The following SPAG16 variants were observed in gnomAD, a reference collection of about 807,000 sequenced individuals.
SPAG16 encodes the protein sperm-associated antigen 16 protein.
A neutral mutation model predicts 80.4 loss-of-function variants in SPAG16; 86 were observed. The observed-to-expected ratio is 1.07, with a 90% CI of 0.90 to 1.28. The LOEUF is 1.28. Among genes scored for constraint, SPAG16 ranks in the 50% most tolerant of loss-of-function variants. The pLI, the probability that SPAG16 is intolerant of heterozygous loss-of-function variation, is 0.00. For missense variants in SPAG16, 870 were observed against 765.3 expected (o/e 1.14, Z -1.61); for synonymous variants, 294 against 265.9 (o/e 1.11, Z -1.03).
intron 10 of SPAG16, among the ~76,000 whole-genome samples, chr2:213,555,773 G>A (rs573321856): frequency 5.3e-5 from 8 of 152,136 alleles, no homozygotes; most frequent in African/African-American, 1.9e-4. Flanking sequence ...AAACCCACTG[G>A]TAAAAGTAAG....
rs377727815 is a variant in SPAG16 at position 213,962,256 on chromosome 2, T to A, written c.1400+32111T>A. On this transcript the variant is annotated intron_variant, in intron 12 of 15. Transcript: ENST00000331683. ...TTGCCCAGGCTGGAGTGCAGTGGCG[T>A]GATCTCGGCTCACTGCAAGCTCGCC... 4.0e-5 allele frequency among the ~76,000 whole-genome samples: 6 copies of A among 151,226 alleles called. No homozygotes were observed. The South Asian group carries it at 1.0e-3, about 26-fold the overall frequency.
intron 10 of SPAG16, among the ~76,000 whole-genome samples, chr2:213,664,788 T>C (rs2063543165): frequency 1.3e-5 from 2 of 151,924 alleles, no homozygotes; most frequent in African/African-American, 4.8e-5. Flanking sequence ...CTCTTTCCTC[T>C]TTCTGAAACT....
intron 10 of SPAG16, among the ~76,000 whole-genome samples, chr2:213,755,948 A>G (rs190973207): frequency 1.2e-4 from 19 of 152,312 alleles, no homozygotes; most frequent in Admixed American, 1.0e-3. Context: ...CCATCTAAAT[A>G]TATCAATATC....
intron 15 of SPAG16, chr2:214,240,257 T>A (rs946123038): frequency 2.0e-5 from 3 of 152,242 alleles, no homozygotes; most frequent in African/African-American, 7.2e-5. Flanking sequence ...GAAGACTGAA[T>A]GTTTCTACAT....
intron 10 of SPAG16, among the ~76,000 whole-genome samples, chr2:213,616,584 T>C (rs2061605796): frequency 6.6e-6 from 1 of 152,228 alleles, no homozygotes; most frequent in Non-Finnish European, 1.5e-5. Flanking sequence ...TCTCAAAATA[T>C]GATCTGCTTT....
chr2:214,353,140 A>C (rs1698534950), intron 15 of SPAG16, among the ~76,000 whole-genome samples: 1 of 152,088 alleles, frequency 6.6e-6, no homozygotes, highest in Non-Finnish European at 1.5e-5. Context: ...TGGTCTAACT[A>C]TCAAATGTTT....
chr2:214,360,998 G>A (rs1367755388), intron 15 of SPAG16, among the ~76,000 whole-genome samples: 1 of 151,834 alleles, frequency 6.6e-6, no homozygotes, highest in African/African-American at 2.4e-5. Flanking sequence ...TCTGAGTGTA[G>A]TGTCAACTCT....
At chr2:213,886,925 G>A (rs1250850893) in intron 11 of SPAG16, among the ~76,000 whole-genome samples, 3 of 152,094 alleles carry the variant, frequency 2.0e-5, no homozygotes, top group Non-Finnish European at 4.4e-5. Flanking sequence ...TCAAAATCTG[G>A]TAAGGAGTAG....
At position 213,375,050 on chromosome 2, in the gene SPAG16, T is replaced by C. The variant is rs183857657; in HGVS notation, c.873T>C (p.Pro291=). 4.3e-6 allele frequency: 7 copies of C among 1,610,464 alleles called. No homozygotes were observed. In the South Asian group the frequency reaches 6.6e-5, roughly 15 times the overall value. ...AAAAAGAAAATGCACCAGAAGGTCC[T>C]ACTCAGAAAGGTCTTCGTGAAGCCA... The part of the protein sequence containing the change: ...SREKENAPEG[P]TQKGLREARE... Residue 291 remains proline, a synonymous_variant, in exon 9 of 16, where the codon CCT becomes CCC. Coordinates refer to ENST00000331683, the MANE Select transcript of SPAG16 (RefSeq NM_024532.5).
At chr2:213,536,034 T>TATG (rs1478804730) in intron 10 of SPAG16, among the ~76,000 whole-genome samples, 2 of 152,122 alleles carry the variant, frequency 1.3e-5, no homozygotes, top group Non-Finnish European at 2.9e-5. Flanking sequence ...CATCCAGAGG[T>TATG]ATGTGAGTGT....
intron 15 of SPAG16, among the ~76,000 whole-genome samples, chr2:214,385,950 T>C (rs546970335): frequency 1.8e-4 from 27 of 152,356 alleles, no homozygotes; most frequent in African/African-American, 6.5e-4. Flanking sequence ...AGTCATTGTA[T>C]TGAATTTGCT....
At chr2:213,777,354 C>G (rs1223039733) in intron 10 of SPAG16, among the ~76,000 whole-genome samples, 1 of 141,472 alleles carries the variant, frequency 7.1e-6, no homozygotes, top group Non-Finnish European at 1.5e-5. Context: ...TCAAGAGATT[C>G]TCCCACCTCA....
intron 10 of SPAG16, among the ~76,000 whole-genome samples, chr2:213,623,189 C>T (rs1243894280): frequency 6.6e-6 from 1 of 152,132 alleles, no homozygotes; most frequent in Non-Finnish European, 1.5e-5. Context: ...ATTGATTGCT[C>T]ATGTAAAATC....
At chr2:213,581,641 C>T (rs547967710) in intron 10 of SPAG16, among the ~76,000 whole-genome samples, 1 of 152,078 alleles carries the variant, frequency 6.6e-6, no homozygotes, top group Non-Finnish European at 1.5e-5. Context: ...ATTCCCAGTA[C>T]AATTAGAGCC....
At chr2:214,350,921 G>T (rs73087089) in intron 15 of SPAG16, among the ~76,000 whole-genome samples, 3,444 of 152,160 alleles carry the variant, frequency 0.023, 131 homozygotes, top group African/African-American at 0.079. Context: ...ACCTAAAGTT[G>T]CCCCAAAACA....
At chr2:213,900,268 C>A (rs1355198890) in intron 11 of SPAG16, among the ~76,000 whole-genome samples, 2 of 152,194 alleles carry the variant, frequency 1.3e-5, no homozygotes, top group African/African-American at 4.8e-5. Context: ...AATGGCGTGT[C>A]TCCATTTGTT....
chr2:213,908,425 C>A (rs2077516446), intron 11 of SPAG16, among the ~76,000 whole-genome samples: 2 of 152,278 alleles, frequency 1.3e-5, no homozygotes, highest in Admixed American at 1.3e-4. Context: ...ATTCTTAGAG[C>A]TTTCTTGGCC....
chr2:214,129,942 AC>A (rs1488637766), intron 14 of SPAG16, among the ~76,000 whole-genome samples: 2 of 152,158 alleles, frequency 1.3e-5, no homozygotes, highest in Non-Finnish European at 2.9e-5. Context: ...TTAACAAAAA[AC>A]CATGAGATCT....
At chr2:213,736,497 A>G (rs2067288661) in intron 10 of SPAG16, among the ~76,000 whole-genome samples, 1 of 152,076 alleles carries the variant, frequency 6.6e-6, no homozygotes, top group Non-Finnish European at 1.5e-5. Context: ...CATGTTGGCC[A>G]GGCTGGTCTC....
Sources: gnomAD v4.1 joint callset for allele counts (sites outside exome capture counted in the v4.1 genomes callset) on GRCh38, gnomAD v4.1.1 for gene constraint, MANE v1.5 for transcripts, NCBI Gene and HGNC (gene_info 2026-07-23, HGNC 2026-07-21) for gene names.